CCPG1: variants seen among roughly 807,000 people sequenced by gnomAD.
The protein encoded by CCPG1 is cell cycle progression 1, also known as cell cycle progression protein 1.
In CCPG1, 46 loss-of-function variants were observed where a neutral mutation model predicts 81.3. The ratio of observed to expected loss-of-function variants is 0.57; its 90% CI spans 0.45 to 0.72. The LOEUF is 0.72. Among genes scored for constraint, CCPG1 ranks in the 30% least tolerant of loss-of-function variants. CCPG1 has a pLI of 0.00. For missense variants in CCPG1, 902 were observed against 937.6 expected (o/e 0.96, Z 0.50); for synonymous variants, 330 against 305.2 (o/e 1.08, Z -0.85).
At chr15:55,397,940 G>A (rs1160592854) in intron 1 of CCPG1, among the ~76,000 whole-genome samples, 1 of 151,548 alleles carries the variant, frequency 6.6e-6, no homozygotes, top group Non-Finnish European at 1.5e-5. Context: ...CTATGCCACG[G>A]CACTCCAGCC....
In CCPG1 at chr15:55,387,959, CT is replaced by C. The variant is rs1396602442; in HGVS notation, c.60+1405del. Among the ~76,000 whole-genome samples the C allele has an allele frequency of 2.0e-5, 3 of 150,812 alleles. 1 individual carries two copies. Among genetic ancestry groups the C allele is most frequent in the African/African-American group, 7.3e-5 (3 of 41,244 alleles). The stretch of plus-strand genomic sequence containing the variant: ...CTGGCGTCGGGAGTTCGAGACCAGC[CT>C]GACCAACATGGAGAAACCCCGTCTC... On this transcript the variant is annotated intron_variant, in intron 2 of 8. Transcript: ENST00000442196.
At chr15:55,397,589 G>GA (rs2057045769) in intron 1 of CCPG1, among the ~76,000 whole-genome samples, 1 of 152,200 alleles carries the variant, frequency 6.6e-6, no homozygotes, top group African/African-American at 2.4e-5. Flanking sequence ...ATTGAATATG[G>GA]GGTATAAAGG....
At chr15:55,382,708 A>C (rs1401014420) in intron 3 of CCPG1, among the ~76,000 whole-genome samples, 1 of 151,962 alleles carries the variant, frequency 6.6e-6, no homozygotes, top group Non-Finnish European at 1.5e-5. Flanking sequence ...ATGGGATTTC[A>C]CCGTGTGAGC....
intron 7 of CCPG1, among the ~76,000 whole-genome samples, chr15:55,361,811 A>C (rs973455071): frequency 2.0e-5 from 3 of 152,202 alleles, no homozygotes; most frequent in Admixed American, 6.5e-5. Context: ...AAATTCTAAC[A>C]ATCTTAGTCC....
intron 6 of CCPG1, among the ~76,000 whole-genome samples, chr15:55,367,901 AACTG>A (rs1191718029): frequency 2.6e-5 from 4 of 152,152 alleles, no homozygotes; most frequent in African/African-American, 7.2e-5. Context: ...CAGAACTCTT[AACTG>A]ACTGACTATT....
At position 55,389,920 on chromosome 15, in the gene CCPG1, A is replaced by G. The variant is rs569693799; in HGVS notation, c.-9-487T>C. Among the ~76,000 whole-genome samples, 15 of 152,362 alleles carry G rather than the reference A, an allele frequency of 9.8e-5. No homozygotes were observed. The East Asian group carries it at 2.9e-3, about 29-fold the overall frequency. ...AAGTAATTTACATTTTCAAACATAG[A>G]AGAAACATGATGAAACTGTTTTGAG... On this transcript the variant is annotated intron_variant, in intron 1 of 8. Transcript: ENST00000442196.
intron 1 of CCPG1, among the ~76,000 whole-genome samples, chr15:55,393,465 G>GAT (rs1192902729): frequency 6.6e-6 from 1 of 151,992 alleles, no homozygotes; most frequent in Non-Finnish European, 1.5e-5. Flanking sequence ...TTCAAGATAG[G>GAT]GAAGCAACTC....
At chr15:55,382,985 T>TA (rs1394181043) in intron 3 of CCPG1, among the ~76,000 whole-genome samples, 1 of 152,236 alleles carries the variant, frequency 6.6e-6, no homozygotes, top group African/African-American at 2.4e-5. Flanking sequence ...TAAAGGCATC[T>TA]AGAATGGTGA....
At chr15:55,401,081 CCA>C (rs1170965859) in intron 1 of CCPG1, among the ~76,000 whole-genome samples, 5 of 152,126 alleles carry the variant, frequency 3.3e-5, no homozygotes, top group African/African-American at 9.7e-5. Flanking sequence ...ACTAATACTT[CCA>C]CAGTTTTTGG....
chr15:55,361,207 G>A (rs1164873003), intron 7 of CCPG1, among the ~76,000 whole-genome samples: 2 of 150,830 alleles, frequency 1.3e-5, no homozygotes, highest in Admixed American at 6.6e-5. Context: ...TCACTCTGTC[G>A]TCCAGACTAG....
chr15:55,356,733 C>T, intron 8 of CCPG1: 16 of 1,043,824 alleles, frequency 1.5e-5, no homozygotes, highest in Non-Finnish European at 1.8e-5. Flanking sequence ...TCAGTCCCTC[C>T]CCGCTGGCTT....
intron 7 of CCPG1, among the ~76,000 whole-genome samples, chr15:55,363,168 T>C (rs751041781): frequency 6.6e-6 from 1 of 151,866 alleles, no homozygotes; most frequent in Non-Finnish European, 1.5e-5. Context: ...GCCAACATAG[T>C]GAAACCCCAT....
chr15:55,356,762 C>T lies in CCPG1; in HGVS notation c.2235-353G>A, dbSNP rs2056085867. On this transcript the variant is annotated intron_variant, in intron 8 of 8. Transcript: ENST00000442196. ...CTGGCTTTATCACTCAGCAGAAATACATACACATCTCTCACAAACAAAGCA... is the reference window on the plus strand; with the variant it reads ...CTGGCTTTATCACTCAGCAGAAATATATACACATCTCTCACAAACAAAGCA... The T allele has an allele frequency of 6.9e-6, 7 of 1,016,324 alleles. No individual in the cohort carries two copies. In the South Asian group the frequency reaches 2.6e-4, roughly 38 times the overall value. The allele number at this position is 1,016,324 out of a possible 1,614,324, so 63.0% of individuals were successfully genotyped here. A position where few individuals can be genotyped will look rare whatever the true frequency, so the allele number is the denominator to read the frequency against.
At chr15:55,391,660 T>G (rs2056915950) in intron 1 of CCPG1, among the ~76,000 whole-genome samples, 1 of 152,048 alleles carries the variant, frequency 6.6e-6, no homozygotes, top group African/African-American at 2.4e-5. Context: ...AATTAACAGT[T>G]GTCAAAATTT....
chr15:55,403,139 T>A (rs2057157369), intron 1 of CCPG1, among the ~76,000 whole-genome samples: 1 of 152,222 alleles, frequency 6.6e-6, no homozygotes, highest in Non-Finnish European at 1.5e-5. Context: ...ATACTTCATA[T>A]GAGTAGATAA....
At chr15:55,389,480 T>C in intron 1 of CCPG1, 47 bp from the exon 2 acceptor site, 1 of 1,346,698 alleles carries the variant, frequency 7.4e-7, no homozygotes, top group Non-Finnish European at 1.1e-6. Context: ...TTTTTTTTAA[T>C]TCTATAGGAA....
intron 1 of CCPG1, among the ~76,000 whole-genome samples, chr15:55,390,768 CA>C (rs144355351): frequency 0.11 from 16,709 of 152,040 alleles, 1,326 homozygotes; most frequent in African/African-American, 0.22. Flanking sequence ...AGAGAGGATA[CA>C]AAAAGGTTGG....
At chr15:55,395,512 G>C (rs1003919964) in intron 1 of CCPG1, among the ~76,000 whole-genome samples, 143 of 151,716 alleles carry the variant, frequency 9.4e-4, no homozygotes, top group African/African-American at 2.8e-3. Context: ...ATTCATTCCC[G>C]CTTTGCCCAA....
intron 8 of CCPG1, chr15:55,357,331 T>C: frequency 2.0e-6 from 2 of 985,316 alleles, no homozygotes; most frequent in Non-Finnish European, 2.4e-6. Context: ...CAAATGTTTT[T>C]TCCTTTCCTC....
Sources: gnomAD v4.1 joint callset for allele counts (sites outside exome capture counted in the v4.1 genomes callset) on GRCh38, gnomAD v4.1.1 for gene constraint, MANE v1.5 for transcripts, NCBI Gene and HGNC (gene_info 2026-07-23, HGNC 2026-07-21) for gene names.